The following LDB2 variants were observed in gnomAD, a reference collection of about 807,000 sequenced individuals.
The protein encoded by LDB2 is LIM domain-binding protein 2.
Under a neutral mutation model 44.3 loss-of-function variants are expected in LDB2, and 12 were observed. That is an observed-to-expected ratio of 0.27 (90% CI 0.17 to 0.44). The LOEUF is 0.44. Among genes scored for constraint, LDB2 ranks in the 20% least tolerant of loss-of-function variants. The pLI, the probability that LDB2 is intolerant of heterozygous loss-of-function variation, is 1.00. For missense variants in LDB2, 344 were observed against 473.5 expected, an observed-to-expected ratio of 0.73 and a Z score of 2.54; for synonymous variants, 164 against 174.8, an observed-to-expected ratio of 0.94 and a Z score of 0.49.
At chr4:16,867,379 A>G (rs893571360) in intron 1 of LDB2, among the ~76,000 whole-genome samples, 4 of 152,230 alleles carry the variant, frequency 2.6e-5, no homozygotes, top group African/African-American at 4.8e-5. Flanking sequence ...CCCCCAGAGT[A>G]TTAATTAAAG....
intron 2 of LDB2, among the ~76,000 whole-genome samples, chr4:16,674,791 A>G (rs1017463680): frequency 1.3e-5 from 2 of 150,988 alleles, no homozygotes; most frequent in African/African-American, 2.4e-5. Context: ...CCGAAAGCAC[A>G]CACACACACA....
intron 1 of LDB2, among the ~76,000 whole-genome samples, chr4:16,813,395 A>G (rs1561316326): frequency 6.6e-6 from 1 of 152,160 alleles, no homozygotes; most frequent in East Asian, 1.9e-4. Flanking sequence ...TGAGAGCCCA[A>G]TGCATAGTGA....
intron 1 of LDB2, among the ~76,000 whole-genome samples, chr4:16,808,895 CATGAATGGG>C (rs1191823715): frequency 6.6e-6 from 1 of 152,144 alleles, no homozygotes; most frequent in Non-Finnish European, 1.5e-5. Context: ...GGTCCCCTTG[CATGAATGGG>C]ATTGTCACTG....
intron 2 of LDB2, among the ~76,000 whole-genome samples, chr4:16,662,841 T>C (rs1219083016): frequency 6.6e-6 from 1 of 152,022 alleles, no homozygotes; most frequent in African/African-American, 2.4e-5. Context: ...TCTTTTTCCT[T>C]ACAAATTACC....
intron 5 of LDB2, among the ~76,000 whole-genome samples, chr4:16,543,269 A>G (rs1253259541): frequency 6.6e-6 from 1 of 152,120 alleles, no homozygotes; most frequent in Non-Finnish European, 1.5e-5. Flanking sequence ...ATGATTTATA[A>G]TCCTTTGGGT....
At chr4:16,638,758 C>A (rs1159654440) in intron 2 of LDB2, among the ~76,000 whole-genome samples, 1 of 152,140 alleles carries the variant, frequency 6.6e-6, no homozygotes, top group African/African-American at 2.4e-5. Flanking sequence ...AGGTAGGCAC[C>A]TCACTCTTCC....
At chr4:16,576,924 C>T (rs1711868524) in intron 5 of LDB2, among the ~76,000 whole-genome samples, 1 of 152,128 alleles carries the variant, frequency 6.6e-6, no homozygotes, top group African/African-American at 2.4e-5. Context: ...AAGAATAGTT[C>T]AACGTATGCA....
chr4:16,562,204 A>C lies in LDB2; in HGVS notation c.615+23718T>G, dbSNP rs1217092872. ...ACACCAAAAGCAATGGCAACAAAAG[A>C]CAAAATTGACAAATGGGATCTAATT... is the stretch of plus-strand genomic sequence containing the variant. On this transcript the variant is annotated intron_variant, in intron 5 of 7. Coordinates refer to ENST00000304523, the MANE Select transcript of LDB2 (RefSeq NM_001290.5). 3.3e-3 allele frequency among the ~76,000 whole-genome samples: 509 copies of C among 152,248 alleles called. 5 individuals carry two copies. The highest frequency in any genetic ancestry group is 4.7e-3 in the Non-Finnish European group (318 of 68,008).
intron 1 of LDB2, among the ~76,000 whole-genome samples, chr4:16,819,324 A>G (rs1276977240): frequency 1.3e-5 from 2 of 152,118 alleles, no homozygotes; most frequent in Non-Finnish European, 2.9e-5. Flanking sequence ...CCTGAATAAA[A>G]TGGCCATTTG....
intron 6 of LDB2, among the ~76,000 whole-genome samples, chr4:16,509,717 G>C (rs2152224897): frequency 1.3e-5 from 2 of 152,290 alleles, no homozygotes; most frequent in Middle Eastern, 6.8e-3. Context: ...TGGCAAGTAA[G>C]AGCATCCTTT....
intron 1 of LDB2, among the ~76,000 whole-genome samples, chr4:16,861,755 C>A (rs540259107): frequency 6.6e-6 from 1 of 152,308 alleles, no homozygotes; most frequent in African/African-American, 2.4e-5. Flanking sequence ...CATATGGTAG[C>A]AACAGACAGC....
intron 2 of LDB2, among the ~76,000 whole-genome samples, chr4:16,657,560 G>A (rs141439519): frequency 6.6e-6 from 1 of 152,128 alleles, no homozygotes; most frequent in East Asian, 1.9e-4. Flanking sequence ...ACACAAGTCT[G>A]CCACAAAGCC....
chr4:16,721,764 C>T (rs2152683422), intron 2 of LDB2, among the ~76,000 whole-genome samples: 1 of 152,128 alleles, frequency 6.6e-6, no homozygotes, highest in East Asian at 1.9e-4. Flanking sequence ...TACCCAGTTA[C>T]TCTGTCGATA....
chr4:16,595,616 C>T (rs1209873606), intron 3 of LDB2, 87 bp downstream of exon 3: 2 of 1,265,332 alleles, frequency 1.6e-6, no homozygotes, highest in Non-Finnish European at 2.2e-6. Flanking sequence ...GCAATCGGCC[C>T]CAGGTTCCAT....
intron 2 of LDB2, among the ~76,000 whole-genome samples, chr4:16,699,655 T>C (rs1477207111): frequency 6.6e-6 from 1 of 152,108 alleles, no homozygotes; most frequent in Non-Finnish European, 1.5e-5. Context: ...AAGGCAATAA[T>C]TGCAACTTTC....
At chr4:16,856,836 T>G (rs1442269720) in intron 1 of LDB2, among the ~76,000 whole-genome samples, 1 of 152,226 alleles carries the variant, frequency 6.6e-6, no homozygotes, top group Non-Finnish European at 1.5e-5. Context: ...TTAAGTCACT[T>G]GTCCAAAGTT....
chr4:16,507,240 G>A (rs537025351), intron 7 of LDB2: 6 of 152,196 alleles, frequency 3.9e-5, no homozygotes, highest in African/African-American at 1.4e-4. Context: ...ATTTTAGGCT[G>A]GTCATTCTCC....
At chr4:16,741,205 A>G (rs968881699) in intron 2 of LDB2, among the ~76,000 whole-genome samples, 1 of 152,206 alleles carries the variant, frequency 6.6e-6, no homozygotes, top group African/African-American at 2.4e-5. Context: ...GTTTTGAAAG[A>G]TCTTCCTTTT....
intron 5 of LDB2, among the ~76,000 whole-genome samples, chr4:16,561,157 C>T: frequency 6.6e-6 from 1 of 151,996 alleles, no homozygotes; most frequent in East Asian, 1.9e-4. Flanking sequence ...AAAACTGGCA[C>T]AAGACAGGGA....
Sources: gnomAD v4.1 joint callset for allele counts (sites outside exome capture counted in the v4.1 genomes callset) on GRCh38, gnomAD v4.1.1 for gene constraint, MANE v1.5 for transcripts, NCBI Gene and HGNC (gene_info 2026-07-23, HGNC 2026-07-21) for gene names.